The following MED17 variants were observed in gnomAD, a reference collection of about 807,000 sequenced individuals.
MED17 encodes mediator complex subunit 17.
A neutral mutation model predicts 80.8 loss-of-function variants in MED17; 49 were observed. The ratio of observed to expected loss-of-function variants is 0.61; its 90% CI spans 0.48 to 0.77. The LOEUF (loss-of-function observed/expected upper bound fraction) is 0.77, where lower values mean the gene tolerates loss of function less well. MED17 is among the 30% of genes least tolerant of loss of function. The pLI is 0.00. For synonymous variants in MED17, 281 were observed against 280.4 expected, an observed-to-expected ratio of 1.00 and a Z score of -0.02; for missense variants, 718 against 787.0, an observed-to-expected ratio of 0.91 and a Z score of 1.05.
intron 9 of MED17, among the ~76,000 whole-genome samples, chr11:93,803,686 A>G (rs990113246): frequency 2.0e-5 from 3 of 152,110 alleles, no homozygotes; most frequent in Non-Finnish European, 4.4e-5. Context: ...AAAATTTTCC[A>G]TAGTAAAAAG....
intron 3 of MED17, among the ~76,000 whole-genome samples, chr11:93,791,711 A>C (rs1470513136): frequency 6.6e-6 from 1 of 152,032 alleles, no homozygotes; most frequent in Non-Finnish European, 1.5e-5. Context: ...CCCAAAAAAA[A>C]CCAAACGAAA....
At position 93,812,605 on chromosome 11, in the gene MED17, A is replaced by C. The variant is rs1306727243; in HGVS notation, c.*541A>C. On this transcript the variant is annotated 3_prime_UTR_variant, in exon 12 of 12. Transcript: ENST00000251871. ...AGGCATGCACAACCACGCCTGGCTA[A>C]TTTTTGTATTTTTTATAAAGACAGG... 6.4e-6 allele frequency: 1 copy of C among 156,892 alleles called. No homozygotes were observed. Among genetic ancestry groups the C allele is most frequent in the East Asian group, 1.9e-4 (1 of 5,356 alleles). The allele number at this position is 156,892 out of a possible 1,614,324, so 9.7% of individuals were successfully genotyped here. A position where few individuals can be genotyped will look rare whatever the true frequency, so the allele number is the denominator to read the frequency against.
rs1194882642 is a variant in MED17 at position 93,813,238 on chromosome 11, C to G, written c.*1174C>G. 4 of 152,168 alleles carry G rather than the reference C, an allele frequency of 2.6e-5. No homozygotes were observed. The highest frequency in any genetic ancestry group is 9.7e-5 in the African/African-American group (4 of 41,438). The allele number at this position is 152,168 out of a possible 1,614,324, so 9.4% of individuals were successfully genotyped here. On this transcript the variant is annotated 3_prime_UTR_variant, in exon 12 of 12. Coordinates refer to ENST00000251871, the MANE Select transcript of MED17 (RefSeq NM_004268.5). ...TTCAATTTTTAAAACAGACATCCTG[C>G]TTTAACAATTTGTAAGATGACTGTG...
At chr11:93,803,994 TGTGTG>T (rs1943992782) in intron 9 of MED17, among the ~76,000 whole-genome samples, 1 of 2,238 alleles carries the variant, frequency 4.5e-4, no homozygotes, top group Non-Finnish European at 2.8e-3. Context: ...TGTATATATG[TGTGTG>T]TATATATATA....
At chr11:93,786,094 G>A (rs1200953644) in intron 1 of MED17, among the ~76,000 whole-genome samples, 1 of 152,152 alleles carries the variant, frequency 6.6e-6, no homozygotes, top group Non-Finnish European at 1.5e-5. Context: ...GATGCCATAA[G>A]CAAAGTAAAA....
At chr11:93,809,675 ATCT>A (rs1313921349) in intron 10 of MED17, 39 bp from the exon 11 acceptor site, 13 of 1,610,416 alleles carry the variant, frequency 8.1e-6, no homozygotes, top group Non-Finnish European at 1.1e-5. Context: ...CACTGCAGAT[ATCT>A]CTGCTGACTG....
chr11:93,786,780 A>G (rs967005346), intron 1 of MED17, among the ~76,000 whole-genome samples: 1 of 152,134 alleles, frequency 6.6e-6, no homozygotes, highest in Non-Finnish European at 1.5e-5. Context: ...AAACTTTTAA[A>G]TGTATATCTC....
At chr11:93,790,293 G>A (rs1343132481) in intron 2 of MED17, 1 of 520,062 alleles carries the variant, frequency 1.9e-6, no homozygotes, top group South Asian at 1.5e-5. Context: ...GGAGAGGAAT[G>A]GCAGTACATT....
chr11:93,792,948 A>T, intron 3 of MED17, among the ~76,000 whole-genome samples: 1 of 152,008 alleles, frequency 6.6e-6, no homozygotes, highest in South Asian at 2.1e-4. Context: ...CTCTAAAAAG[A>T]TAATAAAAAA....
intron 3 of MED17, among the ~76,000 whole-genome samples, chr11:93,791,502 C>T (rs1033845459): frequency 6.6e-6 from 1 of 151,990 alleles, no homozygotes; most frequent in Non-Finnish European, 1.5e-5. Context: ...CTTAGGAATT[C>T]GATACCAGCC....
At chr11:93,791,800 A>G (rs950476905) in intron 3 of MED17, among the ~76,000 whole-genome samples, 1 of 152,180 alleles carries the variant, frequency 6.6e-6, no homozygotes, top group African/African-American at 2.4e-5. Context: ...AAAGGAGGAA[A>G]GAAACTTTCT....
chr11:93,801,653 C>T, intron 8 of MED17, 182 bp from the exon 9 acceptor site: 6 of 589,934 alleles, frequency 1.0e-5, no homozygotes, highest in East Asian at 5.9e-5. Flanking sequence ...AGAACCTACA[C>T]ATTCAAGCAG....
intron 7 of MED17, 79 bp from the exon 8 acceptor site, chr11:93,797,456 C>A: frequency 7.4e-7 from 1 of 1,358,826 alleles, no homozygotes; most frequent in Non-Finnish European, 1.1e-6. Flanking sequence ...TTCAGTGTTT[C>A]TGTCAACCAT....
In MED17 at chr11:93,793,514, GT is replaced by G. The variant is rs369708342; in HGVS notation, c.638-202del. ...TGTTGATGTCATTAGACTAAGAAGT[GT>G]TTTTTTTTTTTAAGGTAAATAACCA... On this transcript the variant is annotated intron_variant, in intron 3 of 11. Transcript: ENST00000251871. The G allele has an allele frequency of 0.24, 99,824 of 412,214 alleles. 4,871 individuals carry two copies. The highest frequency in any genetic ancestry group is 0.28 in the South Asian group (9,368 of 33,050). The allele number at this position is 412,214 out of a possible 1,614,324, so 25.5% of individuals were successfully genotyped here.
intron 2 of MED17, 23 bp downstream of exon 2, chr11:93,788,190 T>A (rs1943789383): frequency 6.3e-7 from 1 of 1,593,034 alleles, no homozygotes; most frequent in African/African-American, 1.3e-5. Flanking sequence ...TTTAATTGAA[T>A]AATAAAATTT....
Position 93,794,909 on chromosome 11 carries a change from T to A in MED17, c.861T>A (p.Gly287=), listed in dbSNP as rs1360077648. The change falls in exon 6 of 12, where the codon GGT becomes GGA. Residue 287 remains glycine (G), a splice_region_variant and synonymous_variant. Coordinates refer to ENST00000251871, the MANE Select transcript of MED17 (RefSeq NM_004268.5). ...ATACATATATTTCTTGTCTTTCAGG[T>A]TCCCCACATTGGCAGACAAAATTAG... ...FKRPLPKSKP[G]SPHWQTKLEA... is the part of the protein sequence containing the mutation. The A allele has an allele frequency of 6.2e-7, 1 of 1,614,106 alleles. No homozygotes were observed. Among genetic ancestry groups the A allele is most frequent in the Admixed American group, 1.7e-5 (1 of 60,028 alleles).
chr11:93,796,682 G>A, intron 7 of MED17, 142 bp downstream of exon 7: 1 of 988,656 alleles, frequency 1.0e-6, no homozygotes, highest in Non-Finnish European at 1.6e-6. Context: ...TCCTTGCTGT[G>A]TGCTAGGGGA....
At position 93,795,059 on chromosome 11, in the gene MED17, G is replaced by T. The variant is rs141529021; in HGVS notation, c.1011G>T (p.Pro337=). Residue 337 remains proline, a splice_region_variant and synonymous_variant, in exon 6 of 12, where the codon CCG becomes CCT. Transcript: ENST00000251871. ...ACCAGATTATCTCTCAGCCCTTTCC[G>T]AGTAAGAGCAGCCCTTTTTCGACTT... ...VKNQIISQPF[P]SLQLSISLCH... is the part of the protein sequence containing the mutation. The T allele has an allele frequency of 6.2e-7, 1 of 1,613,956 alleles. No homozygotes were observed. The highest frequency in any genetic ancestry group is 1.3e-5 in the African/African-American group (1 of 74,886).
chr11:93,806,447 T>C, intron 9 of MED17: 1 of 152,228 alleles, frequency 6.6e-6, no homozygotes, highest in East Asian at 1.9e-4. Context: ...TTCTTGGACA[T>C]ATTACATGCT....
Sources: allele counts gnomAD v4.1 joint callset (sites outside exome capture counted in the v4.1 genomes callset), GRCh38; gene constraint gnomAD v4.1.1; transcripts MANE v1.5; gene names NCBI Gene and HGNC (gene_info 2026-07-23, HGNC 2026-07-21).